CHODL: variants seen among roughly 807,000 people sequenced by gnomAD.
CHODL encodes transmembrane protein MT75.
Under a neutral mutation model 34.5 loss-of-function variants are expected in CHODL, and 29 were observed. That is an observed-to-expected ratio of 0.84 (90% CI 0.63 to 1.15). The LOEUF is 1.15. Ranked by LOEUF, CHODL falls within the 50% of genes most tolerant of loss-of-function variation. The probability of loss-of-function intolerance (pLI) is 0.00; values close to 1 mark genes in which losing one functional copy is unlikely to be tolerated. For missense variants in CHODL, 332 were observed against 332.5 expected, an observed-to-expected ratio of 1.00 and a Z score of 0.01; for synonymous variants, 125 against 116.1, an observed-to-expected ratio of 1.08 and a Z score of -0.49.
At chr21:18,136,050 C>T (rs1025060796) in intron 2 of CHODL, among the ~76,000 whole-genome samples, 1 of 129,384 alleles carries the variant, frequency 7.7e-6, no homozygotes, top group East Asian at 2.2e-4. Context: ...GAGGTTGCAG[C>T]GAGCTGAGCT....
intron 2 of CHODL, among the ~76,000 whole-genome samples, chr21:18,186,135 T>C (rs976801677): frequency 6.6e-6 from 1 of 152,290 alleles, no homozygotes; most frequent in Middle Eastern, 3.4e-3. Flanking sequence ...TCATTTTCTC[T>C]ATGTGGGCTT....
intron 1 of CHODL, among the ~76,000 whole-genome samples, chr21:17,949,281 T>C (rs1271944644): frequency 6.6e-6 from 1 of 152,158 alleles, no homozygotes; most frequent in African/African-American, 2.4e-5. Flanking sequence ...CAGATTAAAT[T>C]GTCTGAGTGA....
intron 2 of CHODL, among the ~76,000 whole-genome samples, chr21:18,166,242 C>A (rs142273602): frequency 4.5e-4 from 69 of 152,344 alleles, no homozygotes; most frequent in Non-Finnish European, 6.8e-4. Flanking sequence ...ATGTGCCCCA[C>A]AAGCTCTCCA....
At chr21:18,145,608 C>CG (rs1354469193) in intron 2 of CHODL, among the ~76,000 whole-genome samples, 1 of 151,950 alleles carries the variant, frequency 6.6e-6, no homozygotes, top group Non-Finnish European at 1.5e-5. Flanking sequence ...CTGTTTCATT[C>CG]GGGGTCAATG....
intron 2 of CHODL, among the ~76,000 whole-genome samples, chr21:18,209,601 C>G (rs571337632): frequency 8.1e-4 from 123 of 152,264 alleles, no homozygotes; most frequent in African/African-American, 2.8e-3. Flanking sequence ...AGGACACTCT[C>G]CACATAACCA....
chr21:18,019,385 T>C (rs183850377), intron 1 of CHODL, among the ~76,000 whole-genome samples: 42 of 152,220 alleles, frequency 2.8e-4, no homozygotes, highest in Non-Finnish European at 5.1e-4. Context: ...ATAGATAGAA[T>C]GAATAAGATC....
At chr21:18,030,515 C>G (rs1224126398) in intron 2 of CHODL, among the ~76,000 whole-genome samples, 1 of 152,104 alleles carries the variant, frequency 6.6e-6, no homozygotes, top group Non-Finnish European at 1.5e-5. Flanking sequence ...TATAACTGCT[C>G]GTCGTTTTCC....
intron 1 of CHODL, among the ~76,000 whole-genome samples, chr21:17,945,498 A>G (rs924400239): frequency 8.5e-4 from 129 of 152,346 alleles, no homozygotes; most frequent in African/African-American, 2.9e-3. Context: ...AGCAGAATTA[A>G]TCAGGTGGAA....
At position 17,990,082 on chromosome 21, in the gene CHODL, G is replaced by A. The variant is rs577034081; in HGVS notation, c.-144-37790G>A. 5.9e-5 allele frequency among the ~76,000 whole-genome samples: 9 copies of A among 152,050 alleles called. No homozygotes were observed. The South Asian group carries it at 1.5e-3, about 25-fold the overall frequency. Reference sequence around the variant, plus strand: ...GACTTTGAAAAGTCCTTTGTCACAAGGATTCAGGTCTCCTAAAACTGCTCA... The same window carrying A: ...GACTTTGAAAAGTCCTTTGTCACAAAGATTCAGGTCTCCTAAAACTGCTCA... On this transcript the variant is annotated intron_variant, in intron 1 of 6. Transcript: ENST00000400127.
intron 2 of CHODL, among the ~76,000 whole-genome samples, chr21:18,092,094 C>T (rs2065080747): frequency 6.6e-6 from 1 of 152,170 alleles, no homozygotes; most frequent in Admixed American, 6.5e-5. Context: ...TAAGCCAGAG[C>T]AGTTCCAATG....
At chr21:17,936,700 A>G (rs1183616064) in intron 1 of CHODL, among the ~76,000 whole-genome samples, 3 of 152,238 alleles carry the variant, frequency 2.0e-5, no homozygotes, top group Admixed American at 6.5e-5. Flanking sequence ...TCTAAGGTCC[A>G]CAGAAATTAG....
chr21:18,254,623 A>G (rs2074294551), intron 1 of CHODL, among the ~76,000 whole-genome samples: 2 of 152,170 alleles, frequency 1.3e-5, no homozygotes, highest in African/African-American at 4.8e-5. Flanking sequence ...AGTGTAGACA[A>G]TAGAACAATA....
intron 2 of CHODL, among the ~76,000 whole-genome samples, chr21:18,099,753 T>C (rs1239209306): frequency 2.0e-5 from 3 of 152,130 alleles, no homozygotes; most frequent in Non-Finnish European, 4.4e-5. Context: ...CTCAGAAAAC[T>C]ACTTCTCCAC....
At chr21:18,128,296 C>CAAAAAAAAAAAAAAAAAAAAAAA (rs71189585) in intron 2 of CHODL, among the ~76,000 whole-genome samples, 3 of 28,058 alleles carry the variant, frequency 1.1e-4, no homozygotes, top group African/African-American at 1.3e-4. Flanking sequence ...GCAAGAGTCT[C>CAAAAAAAAAAAAAAAAAAAAAAA]AAAAAAAAAA....
rs938855145 is a variant in CHODL at position 18,256,993 on chromosome 21, C to T, written c.413C>T (p.Ser138Phe). ...AGAAACTGGTACACAGATGAACCTT[C>T]CTGCGGAAGTGAAAAGTGTGTTGTG... The part of the protein sequence containing the change: ...QYRNWYTDEP[S>F]CGSEKCVVMY... Residue 138 changes from serine to phenylalanine, a missense_variant, in exon 3 of 6, where the codon TCC becomes TTC. By Grantham distance (155) the Ser-to-Phe change is radical. Coordinates refer to ENST00000299295, the MANE Select transcript of CHODL (RefSeq NM_024944.3). 3 of 1,613,388 alleles carry T rather than the reference C, an allele frequency of 1.9e-6. No homozygotes were observed. Among genetic ancestry groups the T allele is most frequent in the African/African-American group, 2.7e-5 (2 of 74,900 alleles).
chr21:18,156,176 C>T (rs554470390), intron 2 of CHODL, among the ~76,000 whole-genome samples: 12 of 152,114 alleles, frequency 7.9e-5, no homozygotes, highest in Middle Eastern at 3.4e-3. Flanking sequence ...AAATTTTGCA[C>T]GGGTAAAAAG....
At chr21:18,009,496 TTA>T (rs1685674897) in intron 1 of CHODL, among the ~76,000 whole-genome samples, 1 of 152,100 alleles carries the variant, frequency 6.6e-6, no homozygotes, top group African/African-American at 2.4e-5. Flanking sequence ...TATAATTTAA[TTA>T]TATAGTAAAG....
intron 1 of CHODL, among the ~76,000 whole-genome samples, chr21:17,938,337 G>A (rs1385174847): frequency 6.6e-6 from 1 of 151,678 alleles, no homozygotes; most frequent in Non-Finnish European, 1.5e-5. Context: ...CACTTATTGA[G>A]AGGACAAGAA....
chr21:18,245,335 C>A (rs1432852544), intron 1 of CHODL, 33 bp downstream of exon 1: 10 of 1,485,350 alleles, frequency 6.7e-6, no homozygotes, highest in Non-Finnish European at 8.9e-6. Context: ...GAAGAACGAG[C>A]GGGGAGAGGG....
Sources: gnomAD v4.1 joint callset for allele counts (sites outside exome capture counted in the v4.1 genomes callset) on GRCh38, gnomAD v4.1.1 for gene constraint, MANE v1.5 for transcripts, NCBI Gene and HGNC (gene_info 2026-07-23, HGNC 2026-07-21) for gene names.